Variants in OR2H1 observed in about 807,000 individuals in gnomAD.
OR2H1 encodes the protein olfactory receptor 2H1.
For missense variants in OR2H1, 380 were observed against 367.3 expected (o/e 1.03, Z -0.28); for synonymous variants, 155 against 155.2 (o/e 1.00, Z 0.01).
At position 29,463,436 on chromosome 6, in the gene OR2H1, G is replaced by T; in HGVS notation, c.*716G>T. On this transcript the variant is annotated 3_prime_UTR_variant, in exon 4 of 4. Transcript: ENST00000377133. ...TTCCACAACAGTGTCACAGTCGTCT[G>T]GCCCCTTTGGTTTCCGTGTCATCCT... The T allele has an allele frequency of 6.0e-6, 1 of 167,192 alleles. No individual in the cohort carries two copies. 10.4% of individuals were successfully genotyped at this position (167,192 alleles called of 1,614,324 possible).
Position 29,462,647 on chromosome 6 carries a change from A to G in OR2H1, c.878A>G (p.Lys293Arg). 1.2e-6 allele frequency: 2 copies of G among 1,613,106 alleles called. No homozygotes were observed. The highest frequency in any genetic ancestry group is 1.7e-6 in the Non-Finnish European group (2 of 1,180,024). Residue 293 changes from lysine (K) to arginine (R), a missense_variant, in exon 4 of 4, where the codon AAG becomes AGG. Transcript: ENST00000377133. ...LNPLVYTLRNKEIKRALRRLL... is the reference protein window; with the variant it reads ...LNPLVYTLRNREIKRALRRLL... ...CCTCTCGTATACACCCTGAGGAACA[A>G]GGAGATAAAGCGAGCACTCAGGAGG...
intron 3 of OR2H1, chr6:29,460,971 A>G (rs757072497): frequency 6.6e-6 from 1 of 152,164 alleles, no homozygotes; most frequent in South Asian, 2.1e-4. Context: ...TAAAAATTAT[A>G]TCATCTTTTT....
intron 2 of OR2H1, among the ~76,000 whole-genome samples, 162 bp downstream of exon 2, chr6:29,458,731 A>T (rs901636765): frequency 6.6e-6 from 1 of 152,198 alleles, no homozygotes; most frequent in Non-Finnish European, 1.5e-5. Context: ...TTCTGCAGAG[A>T]TATTAACTGT....
Position 29,457,240 on chromosome 6 carries a change from A to T in OR2H1, c.-443+33A>T, listed in dbSNP as rs545757695. 4 of 152,316 alleles carry T rather than the reference A, an allele frequency of 2.6e-5. No homozygotes were observed. The South Asian group carries it at 8.3e-4, about 32-fold the overall frequency. The allele number at this position is 152,316 out of a possible 1,614,324, so 9.4% of individuals were successfully genotyped here. On this transcript the variant is annotated intron_variant, in intron 1 of 3. Transcript: ENST00000377133. ...AAGTAGGCTCTACTTTGTGAAGGGG[A>T]TATAAGAAAATTGGGGGCCATATTT...
chr6:29,459,308 C>T (rs562315135), intron 2 of OR2H1, among the ~76,000 whole-genome samples: 1 of 152,272 alleles, frequency 6.6e-6, no homozygotes, highest in South Asian at 2.1e-4. Flanking sequence ...GGGAGGAGAA[C>T]ACAGAAGACT....
chr6:29,457,764 G>C (rs1786599863), intron 1 of OR2H1, among the ~76,000 whole-genome samples: 1 of 152,198 alleles, frequency 6.6e-6, no homozygotes, highest in Admixed American at 6.5e-5. Context: ...TGAGAGGAAG[G>C]CTGGAAATAT....
rs1787538607 is a variant in OR2H1 at position 29,463,239 on chromosome 6, A to T, written c.*519A>T. On this transcript the variant is annotated 3_prime_UTR_variant, in exon 4 of 4. Coordinates refer to ENST00000377133, the MANE Select transcript of OR2H1 (RefSeq NM_030883.5). ...GCCCTTTAGAACCTGCCTCAATGCC[A>T]TCTCTCACTCTCCTTCTTATATCCC... 5.7e-6 allele frequency: 1 copy of T among 173,964 alleles called. No homozygotes were observed. Among genetic ancestry groups the T allele is most frequent in the African/African-American group, 2.4e-5 (1 of 41,490 alleles). The allele number at this position is 173,964 out of a possible 1,614,324, so 10.8% of individuals were successfully genotyped here. A position where few individuals can be genotyped will look rare whatever the true frequency, so the allele number is the denominator to read the frequency against.
chr6:29,462,393 T>C lies in OR2H1; in HGVS notation c.624T>C (p.Pro208=), dbSNP rs2073148. The C allele has an allele frequency of 0.055, 88,267 of 1,612,992 alleles. 5,656 individuals carry two copies. The highest frequency in any genetic ancestry group is 0.28 in the African/African-American group (21,094 of 74,976). Reference sequence around the variant, plus strand: ...CCAGTGTCATCTTCGTGGTTGTGCCTCTCAGCCTCATCCTTGCCTCTTATG... The same window carrying C: ...CCAGTGTCATCTTCGTGGTTGTGCCCCTCAGCCTCATCCTTGCCTCTTATG... ...AVSSVIFVVV[P]LSLILASYGA... The change falls in exon 4 of 4, where the codon CCT becomes CCC. Residue 208 remains proline (P), a synonymous_variant. Transcript: ENST00000377133.
chr6:29,461,654 A>T lies in OR2H1; in HGVS notation c.-116A>T, dbSNP rs1359870065. 3 of 782,118 alleles carry T rather than the reference A, an allele frequency of 3.8e-6. No homozygotes were observed. The East Asian group carries it at 7.4e-5, about 19-fold the overall frequency. The allele number at this position is 782,118 out of a possible 1,614,324, so 48.4% of individuals were successfully genotyped here. On this transcript the variant is annotated 5_prime_UTR_variant, in exon 4 of 4. Coordinates refer to ENST00000377133, the MANE Select transcript of OR2H1 (RefSeq NM_030883.5). ...AGGGAGGCTGGGTGAGCAGAGACAGAAAAGAAACACCTACCTGCTGTGACC... is the reference window on the plus strand; with the variant it reads ...AGGGAGGCTGGGTGAGCAGAGACAGTAAAGAAACACCTACCTGCTGTGACC...
chr6:29,461,666 T>C lies in OR2H1; in HGVS notation c.-104T>C, dbSNP rs181929338. On this transcript the variant is annotated 5_prime_UTR_variant, in exon 4 of 4. Coordinates refer to ENST00000377133, the MANE Select transcript of OR2H1 (RefSeq NM_030883.5). ...TGAGCAGAGACAGAAAAGAAACACC[T>C]ACCTGCTGTGACCTCACAAACACCC... 1.5e-3 allele frequency: 1,285 copies of C among 846,082 alleles called. 27 individuals are homozygous for C. Among genetic ancestry groups the C allele is most frequent in the South Asian group, 0.012 (757 of 61,456 alleles). 52.4% of individuals were successfully genotyped at this position (846,082 alleles called of 1,614,324 possible).
In OR2H1 at chr6:29,462,241, A is replaced by G. The variant is rs1787373776; in HGVS notation, c.472A>G (p.Thr158Ala). Residue 158 changes from threonine (T) to alanine (A), a missense_variant, in exon 4 of 4, where the codon ACA becomes GCA. Physicochemically the swap from Thr to Ala is moderately conservative, Grantham distance 58. Transcript: ENST00000377133. The stretch of plus-strand genomic sequence containing the variant: ...GAGTCTGGTTCAATCGATAGTCCAG[A>G]CACCATCCACCCTCCACTTGCCCTT... ...VMSLVQSIVQ[T>A]PSTLHLPFCP... is the part of the protein sequence containing the mutation. 2.5e-6 allele frequency: 4 copies of G among 1,613,312 alleles called. No individual in the cohort carries two copies. The highest frequency in any genetic ancestry group is 3.4e-6 in the Non-Finnish European group (4 of 1,179,982).
At chr6:29,459,869 A>G (rs1219100954) in intron 2 of OR2H1, 2 of 152,284 alleles carry the variant, frequency 1.3e-5, no homozygotes, top group African/African-American at 4.8e-5. Context: ...TTTATTGTGC[A>G]GACTCTTTCC....
rs1787257851 is a variant in OR2H1, at chr6:29,461,626, G to A, written c.-144G>A. ...AGCTGCTGGATGACGATAAGCCTGG[G>A]AAAGGGAGGCTGGGTGAGCAGAGAC... On this transcript the variant is annotated 5_prime_UTR_variant, in exon 4 of 4. Coordinates refer to ENST00000377133, the MANE Select transcript of OR2H1 (RefSeq NM_030883.5). 2 of 655,734 alleles carry A rather than the reference G, an allele frequency of 3.1e-6. No homozygotes were observed. The highest frequency in any genetic ancestry group is 5.4e-6 in the Non-Finnish European group (2 of 367,776). 40.6% of individuals were successfully genotyped at this position (655,734 alleles called of 1,614,324 possible).
In OR2H1 at chr6:29,462,649, G is replaced by A. The variant is rs373932418; in HGVS notation, c.880G>A (p.Glu294Lys). 2.9e-5 allele frequency: 46 copies of A among 1,613,072 alleles called. No homozygotes were observed. The African/African-American group carries it at 3.6e-4, about 13-fold the overall frequency. The stretch of plus-strand genomic sequence containing the variant: ...TCTCGTATACACCCTGAGGAACAAG[G>A]AGATAAAGCGAGCACTCAGGAGGTT... Reference protein sequence around the residue: ...NPLVYTLRNKEIKRALRRLLG... With the variant: ...NPLVYTLRNKKIKRALRRLLG... Residue 294 changes from glutamate (E) to lysine (K), a missense_variant, in exon 4 of 4, where the codon GAG becomes AAG. Coordinates refer to ENST00000377133, the MANE Select transcript of OR2H1 (RefSeq NM_030883.5).
chr6:29,459,165 A>G (rs2151423037), intron 2 of OR2H1, among the ~76,000 whole-genome samples: 1 of 152,340 alleles, frequency 6.6e-6, no homozygotes, highest in East Asian at 1.9e-4. Context: ...GCTGCAGTTT[A>G]TGGATGAATA....
Position 29,464,284 on chromosome 6 carries a change from C to A in OR2H1, c.*1564C>A, listed in dbSNP as rs572357910. 6.0e-6 allele frequency: 1 copy of A among 166,652 alleles called. No individual in the cohort carries two copies. Among genetic ancestry groups the A allele is most frequent in the East Asian group, 1.9e-4 (1 of 5,168 alleles). 10.3% of individuals were successfully genotyped at this position (166,652 alleles called of 1,614,324 possible). ...CTGGCCACATTAAAGTTGCAAATAA[C>A]ACTTTTTTTGAGACTGAAATAAAGG... On this transcript the variant is annotated 3_prime_UTR_variant, in exon 4 of 4. Transcript: ENST00000377133.
At position 29,462,317 on chromosome 6, in the gene OR2H1, T is replaced by C. The variant is rs1277015578; in HGVS notation, c.548T>C (p.Ile183Thr). The C allele has an allele frequency of 6.2e-7, 1 of 1,613,192 alleles. No individual in the cohort carries two copies. Among genetic ancestry groups the C allele is most frequent in the Non-Finnish European group, 8.5e-7 (1 of 1,180,046 alleles). Residue 183 changes from isoleucine to threonine, a missense_variant, in exon 4 of 4, where the codon ATT (isoleucine) becomes ACT (threonine). Transcript: ENST00000377133. ...TTTTTATGTGAGGTCCCATCTCTGATTCGACTCTCCTGTGGAGATACCTCC... is the reference window on the plus strand; with the variant it reads ...TTTTTATGTGAGGTCCCATCTCTGACTCGACTCTCCTGTGGAGATACCTCC... ...DDFLCEVPSL[I>T]RLSCGDTSYN...
At position 29,462,129 on chromosome 6, in the gene OR2H1, A is replaced by C; in HGVS notation, c.360A>C (p.Arg120=). 1 of 1,613,526 alleles carries C rather than the reference A, an allele frequency of 6.2e-7. No homozygotes were observed. The highest frequency in any genetic ancestry group is 1.3e-5 in the African/African-American group (1 of 74,966). The change falls in exon 4 of 4, where the codon CGA becomes CGC. Residue 120 remains arginine (R), a synonymous_variant. Coordinates refer to ENST00000377133, the MANE Select transcript of OR2H1 (RefSeq NM_030883.5). ...CILLTVMAFD[R]YVAVCQPLHY... ...TCCTGACAGTGATGGCCTTTGACCG[A>C]TACGTGGCTGTCTGCCAGCCCCTCC... is the stretch of plus-strand genomic sequence containing the variant.
chr6:29,460,706 G>A (rs1787154609), intron 3 of OR2H1, among the ~76,000 whole-genome samples: 1 of 152,062 alleles, frequency 6.6e-6, no homozygotes, highest in South Asian at 2.1e-4. Flanking sequence ...AATGTCAAGT[G>A]TTAGCACTTT....
Sources: allele counts gnomAD v4.1 joint callset (sites outside exome capture counted in the v4.1 genomes callset), GRCh38; gene constraint gnomAD v4.1.1; transcripts MANE v1.5; gene names NCBI Gene and HGNC (gene_info 2026-07-23, HGNC 2026-07-21).